Variants in GAN observed in about 807,000 individuals in gnomAD.
The protein encoded by GAN is gigaxonin, also known as epididymis secretory sperm binding protein.
GAN carries 48 observed loss-of-function variants against 71.3 expected under a neutral mutation model. The ratio of observed to expected loss-of-function variants is 0.67; its 90% confidence interval spans 0.53 to 0.86. The LOEUF (loss-of-function observed/expected upper bound fraction) is 0.86, where lower values mean the gene tolerates loss of function less well. GAN is among the 40% of genes least tolerant of loss of function. The pLI is 0.00. For synonymous variants in GAN, 386 were observed against 276.8 expected, an observed-to-expected ratio of 1.39 and a Z score of -3.92; for missense variants, 928 against 770.1, an observed-to-expected ratio of 1.21 and a Z score of -2.43.
At chr16:81,339,913 T>C (rs1484888394) in intron 1 of GAN, among the ~76,000 whole-genome samples, 3 of 152,204 alleles carry the variant, frequency 2.0e-5, no homozygotes, top group East Asian at 1.9e-4. Context: ...GTTTTGATAC[T>C]TAACCTTCAG....
At chr16:81,338,134 T>C (rs1277229387) in intron 1 of GAN, among the ~76,000 whole-genome samples, 2 of 152,206 alleles carry the variant, frequency 1.3e-5, no homozygotes, top group Admixed American at 6.5e-5. Flanking sequence ...GTGACATGCA[T>C]AGTATTTATA....
chr16:81,344,842 C>T (rs565791830), intron 1 of GAN, among the ~76,000 whole-genome samples: 32 of 152,218 alleles, frequency 2.1e-4, no homozygotes, highest in Admixed American at 3.9e-4. Flanking sequence ...AAAATTTTTG[C>T]AATCTATGCA....
At chr16:81,366,983 C>T (rs1910879193) in intron 9 of GAN, among the ~76,000 whole-genome samples, 1 of 152,034 alleles carries the variant, frequency 6.6e-6, no homozygotes, top group Admixed American at 6.5e-5. Flanking sequence ...TGCCACCATG[C>T]CTGGCTAATT....
At chr16:81,331,036 C>T (rs544737218) in intron 1 of GAN, among the ~76,000 whole-genome samples, 2 of 152,106 alleles carry the variant, frequency 1.3e-5, no homozygotes, top group Admixed American at 1.3e-4. Context: ...AAGATCCCAT[C>T]TTTACAAAAA....
chr16:81,359,817 C>T (rs539250235), intron 5 of GAN, among the ~76,000 whole-genome samples: 15 of 152,138 alleles, frequency 9.9e-5, no homozygotes, highest in South Asian at 6.2e-4. Flanking sequence ...AAAAGATTAA[C>T]GACAATAACT....
chr16:81,340,667 C>T (rs1009759819), intron 1 of GAN, among the ~76,000 whole-genome samples: 9 of 152,038 alleles, frequency 5.9e-5, no homozygotes, highest in Admixed American at 5.9e-4. Context: ...GATAAAACCA[C>T]AAAGATGGGG....
chr16:81,343,526 A>G (rs1244208410), intron 1 of GAN, among the ~76,000 whole-genome samples: 1 of 152,226 alleles, frequency 6.6e-6, no homozygotes, highest in African/African-American at 2.4e-5. Flanking sequence ...CCACATGATT[A>G]TCTCAACAGA....
In GAN at chr16:81,362,592, C is replaced by T; in HGVS notation, c.1067C>T (p.Ala356Val). The T allele has an allele frequency of 6.4e-7, 1 of 1,559,188 alleles. No homozygotes were observed. The highest frequency in any genetic ancestry group is 8.9e-7 in the Non-Finnish European group (1 of 1,129,796). The change falls in exon 6 of 11, where the codon GCA (alanine) becomes GTA (valine). Residue 356 changes from alanine to valine, a missense_variant. Transcript: ENST00000648994. ...GATCCAGATGCAAATACATGGACAG[C>T]ATTGCCACCTATGAACGAGGTAAAA... ...KYDPDANTWTALPPMNEARHN... is the reference protein window; with the variant it reads ...KYDPDANTWTVLPPMNEARHN...
chr16:81,372,964 C>T (rs1028540086), intron 9 of GAN, among the ~76,000 whole-genome samples: 7 of 152,142 alleles, frequency 4.6e-5, no homozygotes, highest in African/African-American at 1.4e-4. Context: ...CTACCTGACA[C>T]CCATCAACAT....
At chr16:81,357,139 G>A in intron 4 of GAN, 137 bp downstream of exon 4, 1 of 708,926 alleles carries the variant, frequency 1.4e-6, no homozygotes, top group Non-Finnish European at 2.6e-6. Flanking sequence ...AAGTTTTAGG[G>A]TACATGTGCA....
intron 1 of GAN, among the ~76,000 whole-genome samples, chr16:81,316,352 T>C (rs922181220): frequency 2.6e-4 from 4 of 15,468 alleles, no homozygotes; most frequent in Non-Finnish European, 6.3e-4. Context: ...CCACGCACGC[T>C]ACACTTTTAA....
chr16:81,355,563 G>A (rs1442266979), intron 3 of GAN, among the ~76,000 whole-genome samples: 1 of 152,130 alleles, frequency 6.6e-6, no homozygotes, highest in Non-Finnish European at 1.5e-5. Flanking sequence ...GGGTCTCGCT[G>A]TGCTGCCCAG....
intron 9 of GAN, among the ~76,000 whole-genome samples, chr16:81,366,580 A>G (rs1427098097): frequency 1.3e-5 from 2 of 152,240 alleles, no homozygotes; most frequent in East Asian, 3.8e-4. Context: ...AGATGAGGGC[A>G]CGCAGTGAGC....
At chr16:81,349,639 G>A (rs1274373339) in intron 1 of GAN, among the ~76,000 whole-genome samples, 1 of 152,108 alleles carries the variant, frequency 6.6e-6, no homozygotes, top group Non-Finnish European at 1.5e-5. Context: ...GTGAGACCCT[G>A]TCTCAAAAAC....
chr16:81,359,807 A>G (rs1351203007), intron 5 of GAN, among the ~76,000 whole-genome samples: 1 of 152,206 alleles, frequency 6.6e-6, no homozygotes, highest in Non-Finnish European at 1.5e-5. Flanking sequence ...TCAGCACAGT[A>G]AAAGATTAAC....
rs1186282179 is a variant in GAN, at chr16:81,318,505, T to G, written c.167+3225T>G. Among the ~76,000 whole-genome samples, 44 of 152,050 alleles carry G rather than the reference T, an allele frequency of 2.9e-4. 1 individual carries two copies. The highest frequency in any genetic ancestry group is 2.9e-3 in the Admixed American group (44 of 15,272). ...TAGTGAGACCCAGTCTGTACAATAATAAATCATGTATATAAAAAATAGGAG... is the reference window on the plus strand; with the variant it reads ...TAGTGAGACCCAGTCTGTACAATAAGAAATCATGTATATAAAAAATAGGAG... On this transcript the variant is annotated intron_variant, in intron 1 of 10. Transcript: ENST00000648994.
At chr16:81,341,917 C>T (rs971570026) in intron 1 of GAN, among the ~76,000 whole-genome samples, 6 of 152,028 alleles carry the variant, frequency 3.9e-5, no homozygotes, top group African/African-American at 1.5e-4. Flanking sequence ...CACATAGGCT[C>T]AAAATAAAGG....
At chr16:81,346,763 G>C (rs1279560475) in intron 1 of GAN, among the ~76,000 whole-genome samples, 1 of 152,180 alleles carries the variant, frequency 6.6e-6, no homozygotes, top group African/African-American at 2.4e-5. Context: ...TTCAGGGTGT[G>C]GTTGCAGCTG....
At chr16:81,352,754 G>A (rs138712237) in intron 2 of GAN, among the ~76,000 whole-genome samples, 138 of 152,264 alleles carry the variant, frequency 9.1e-4, no homozygotes, top group African/African-American at 3.2e-3. Context: ...GGGTGTGTAC[G>A]TGTATGATTG....
Sources: gnomAD v4.1 joint callset for allele counts (sites outside exome capture counted in the v4.1 genomes callset) on GRCh38, gnomAD v4.1.1 for gene constraint, MANE v1.5 for transcripts, NCBI Gene and HGNC (gene_info 2026-07-23, HGNC 2026-07-21) for gene names.